Variants in GUCY1B1 observed in about 807,000 individuals in gnomAD.
The protein encoded by GUCY1B1 is guanylate cyclase 1 soluble subunit beta 1.
In GUCY1B1, 43 loss-of-function variants were observed where a neutral mutation model predicts 71.0. The observed-to-expected ratio is 0.61, with a 90% confidence interval of 0.47 to 0.78. GUCY1B1 has a LOEUF of 0.78. GUCY1B1 is among the 30% of genes least tolerant of loss of function. The pLI, the probability that GUCY1B1 is intolerant of heterozygous loss-of-function variation, is 0.00. For synonymous variants in GUCY1B1, 266 were observed against 259.7 expected (o/e 1.02, Z -0.23); for missense variants, 535 against 754.1 (o/e 0.71, Z 3.40).
In GUCY1B1 at chr4:155,806,880, T is replaced by C. The variant is rs1740355832; in HGVS notation, c.*471T>C. On this transcript the variant is annotated 3_prime_UTR_variant, in exon 14 of 14. Coordinates refer to ENST00000264424, the MANE Select transcript of GUCY1B1 (RefSeq NM_000857.5). ...TTTATATCATGTTGGTGTATATCATTATAGAAATCATTTTCTAAAGGAGTG... is the reference window on the plus strand; with the variant it reads ...TTTATATCATGTTGGTGTATATCATCATAGAAATCATTTTCTAAAGGAGTG... 1 of 152,768 alleles carries C rather than the reference T, an allele frequency of 6.5e-6. No homozygotes were observed. Among genetic ancestry groups the C allele is most frequent in the Admixed American group, 6.5e-5 (1 of 15,268 alleles). 9.5% of individuals were successfully genotyped at this position (152,768 alleles called of 1,614,324 possible).
chr4:155,796,291 G>A (rs1451427245), intron 7 of GUCY1B1, 86 bp from the exon 8 acceptor site: 4 of 1,221,532 alleles, frequency 3.3e-6, no homozygotes, highest in Non-Finnish European at 4.7e-6. Context: ...GTGGTTTGGT[G>A]GGAAATGAGA....
In GUCY1B1 at chr4:155,803,719, G is replaced by A; in HGVS notation, c.1509G>A (p.Met503Ile). The change falls in exon 11 of 14, where the codon ATG becomes ATA. Residue 503 changes from methionine (M) to isoleucine (I), a missense_variant. Met to Ile is a conservative substitution (Grantham distance 10). Coordinates refer to ENST00000264424, the MANE Select transcript of GUCY1B1 (RefSeq NM_000857.5). Reference sequence around the variant, plus strand: ...CCATCTGCCACCTGGCCTTGGACATGATGGAAATTGCTGGCCAGGTTCAAG... The same window carrying A: ...CCATCTGCCACCTGGCCTTGGACATAATGGAAATTGCTGGCCAGGTTCAAG... Reference protein sequence around the residue: ...ARSICHLALDMMEIAGQVQVD... With the variant: ...ARSICHLALDIMEIAGQVQVD... 6.2e-7 allele frequency: 1 copy of A among 1,601,508 alleles called. No homozygotes were observed. Among genetic ancestry groups the A allele is most frequent in the South Asian group, 1.1e-5 (1 of 88,644 alleles).
intron 1 of GUCY1B1, 168 bp from the exon 2 acceptor site, chr4:155,759,619 C>T: frequency 1.8e-6 from 1 of 550,374 alleles, no homozygotes; most frequent in Non-Finnish European, 3.2e-6. Flanking sequence ...GGGGGTTGCG[C>T]CCCCACGATC....
At chr4:155,790,298 A>T (rs1018839084) in intron 5 of GUCY1B1, among the ~76,000 whole-genome samples, 3 of 152,208 alleles carry the variant, frequency 2.0e-5, no homozygotes, top group Non-Finnish European at 2.9e-5. Flanking sequence ...ATTATTTTAT[A>T]GATCATTTTC....
intron 2 of GUCY1B1, among the ~76,000 whole-genome samples, chr4:155,771,894 A>G (rs1737716899): frequency 6.6e-6 from 1 of 152,178 alleles, no homozygotes; most frequent in Non-Finnish European, 1.5e-5. Context: ...TATTCACTCA[A>G]ATGGGTTTTA....
intron 4 of GUCY1B1, among the ~76,000 whole-genome samples, chr4:155,778,519 C>G (rs1177913432): frequency 1.3e-5 from 2 of 152,210 alleles, no homozygotes; most frequent in Non-Finnish European, 2.9e-5. Flanking sequence ...AAACTACTTT[C>G]AATCCAGCTG....
chr4:155,764,010 A>ATT (rs35272445), intron 2 of GUCY1B1, among the ~76,000 whole-genome samples: 11 of 151,970 alleles, frequency 7.2e-5, no homozygotes, highest in East Asian at 1.9e-4. Context: ...ATCAGTCTAA[A>ATT]TTTTTTTTAT....
Position 155,759,085 on chromosome 4 carries a change from C to G in GUCY1B1, c.-56C>G. 1 of 1,566,634 alleles carries G rather than the reference C, an allele frequency of 6.4e-7. No homozygotes were observed. The highest frequency in any genetic ancestry group is 1.2e-5 in the South Asian group (1 of 85,800). ...TAGCCGCTGCCGCCTCTGCCTGGGT[C>G]CCTTCGGCCGTACCTCTGCGTGGGG... On this transcript the variant is annotated 5_prime_UTR_variant, in exon 1 of 14. Transcript: ENST00000264424.
chr4:155,759,242 C>T, intron 1 of GUCY1B1, 99 bp downstream of exon 1: 3 of 1,243,340 alleles, frequency 2.4e-6, no homozygotes, highest in East Asian at 2.7e-5. Flanking sequence ...GCTCGGGGGC[C>T]CTGGGCGCTC....
rs1179543694 is a variant in GUCY1B1 at position 155,775,024 on chromosome 4, A to T, written c.134A>T (p.Asp45Val). 2 of 1,606,944 alleles carry T rather than the reference A, an allele frequency of 1.2e-6. No individual in the cohort carries two copies. Residue 45 changes from aspartate (D) to valine (V), a missense_variant, in exon 3 of 14, where the codon GAC becomes GTC. By Grantham distance (152) the Asp-to-Val change is radical (BLOSUM62 -3). Transcript: ENST00000264424. The part of the protein sequence containing the change: ...GQFLVRIIYD[D>V]SKTYDLVAAA... ...TTTCTTGTCAGAATAATATATGATG[A>T]CTCCAAAACTTATGATTTGGTTGCT...
At position 155,796,498 on chromosome 4, in the gene GUCY1B1, T is replaced by A. The variant is rs372089795; in HGVS notation, c.965T>A (p.Leu322Gln). 4 of 1,610,550 alleles carry A rather than the reference T, an allele frequency of 2.5e-6. No individual in the cohort carries two copies. ...YLPEADSILFLCSPSVMNLDD... is the reference protein window; with the variant it reads ...YLPEADSILFQCSPSVMNLDD... Reference sequence around the variant, plus strand: ...CCTGAAGCAGATAGCATACTTTTTCTATGTTCACCAAGGTAATCATTTTTA... The same window carrying A: ...CCTGAAGCAGATAGCATACTTTTTCAATGTTCACCAAGGTAATCATTTTTA... Residue 322 changes from leucine to glutamine, a missense_variant, in exon 8 of 14, where the codon CTA (leucine) becomes CAA (glutamine). Physicochemically the swap from Leu to Gln is moderately radical, Grantham distance 113. Coordinates refer to ENST00000264424, the MANE Select transcript of GUCY1B1 (RefSeq NM_000857.5).
intron 8 of GUCY1B1, among the ~76,000 whole-genome samples, chr4:155,798,387 C>T (rs936315011): frequency 6.6e-5 from 10 of 152,132 alleles, no homozygotes; most frequent in East Asian, 1.9e-4. Flanking sequence ...CATTTTTGAA[C>T]GTACAATCAT....
intron 2 of GUCY1B1, among the ~76,000 whole-genome samples, chr4:155,760,115 C>T (rs549695018): frequency 6.6e-6 from 1 of 152,292 alleles, no homozygotes; most frequent in Non-Finnish European, 1.5e-5. Context: ...CCACGGCTTC[C>T]CGACCCGGCC....
At chr4:155,783,868 C>T (rs1388093403) in intron 4 of GUCY1B1, among the ~76,000 whole-genome samples, 4 of 152,082 alleles carry the variant, frequency 2.6e-5, no homozygotes, top group African/African-American at 9.7e-5. Flanking sequence ...TTCTCAGCAT[C>T]CACAACGCCA....
At chr4:155,759,331 G>A in intron 1 of GUCY1B1, 188 bp downstream of exon 1, 1 of 592,268 alleles carries the variant, frequency 1.7e-6, no homozygotes, top group Non-Finnish European at 2.9e-6. Context: ...TCGTGGCGGG[G>A]GCGATCGGTG....
intron 2 of GUCY1B1, 44 bp from the exon 3 acceptor site, chr4:155,774,924 A>G: frequency 2.0e-6 from 2 of 1,001,994 alleles, no homozygotes; most frequent in Non-Finnish European, 3.2e-6. Flanking sequence ...CTATTTTTTT[A>G]ACTTCAACTT....
intron 4 of GUCY1B1, among the ~76,000 whole-genome samples, chr4:155,782,060 C>T (rs777494710): frequency 2.0e-5 from 3 of 151,360 alleles, no homozygotes; most frequent in African/African-American, 4.9e-5. Flanking sequence ...TCTTTTTTTG[C>T]GTTTTTTAAT....
At chr4:155,800,545 G>C (rs756514927) in intron 9 of GUCY1B1, among the ~76,000 whole-genome samples, 4 of 152,108 alleles carry the variant, frequency 2.6e-5, no homozygotes, top group African/African-American at 4.8e-5. Flanking sequence ...AGAAAGAAAT[G>C]AATCTGACAA....
Position 155,807,089 on chromosome 4 carries a change from T to G in GUCY1B1, c.*680T>G, listed in dbSNP as rs1740366973. On this transcript the variant is annotated 3_prime_UTR_variant, in exon 14 of 14. Coordinates refer to ENST00000264424, the MANE Select transcript of GUCY1B1 (RefSeq NM_000857.5). ...ATTCAAATCATATGGCAATTATAATTCTTCTAAAATGCTATCATTTGTAAC... is the reference window on the plus strand; with the variant it reads ...ATTCAAATCATATGGCAATTATAATGCTTCTAAAATGCTATCATTTGTAAC... 6.6e-6 allele frequency: 1 copy of G among 152,118 alleles called. No individual in the cohort carries two copies. Among genetic ancestry groups the G allele is most frequent in the South Asian group, 2.1e-4 (1 of 4,834 alleles). The allele number at this position is 152,118 out of a possible 1,614,324, so 9.4% of individuals were successfully genotyped here.
Sources: gnomAD v4.1 joint callset for allele counts (sites outside exome capture counted in the v4.1 genomes callset) on GRCh38, gnomAD v4.1.1 for gene constraint, MANE v1.5 for transcripts, NCBI Gene and HGNC (gene_info 2026-07-23, HGNC 2026-07-21) for gene names.